Variants in FIZ1 observed in about 807,000 individuals in gnomAD.
The protein encoded by FIZ1 is FLT3 interacting zinc finger 1.
In FIZ1, 2 loss-of-function variants were observed where a neutral mutation model predicts 5.3. That is an observed-to-expected ratio of 0.37 (90% CI 0.15 to 1.18). FIZ1 has a LOEUF of 1.18. FIZ1 is among the 50% of genes most tolerant of loss of function. The pLI, the probability that FIZ1 is intolerant of heterozygous loss-of-function variation, is 0.37. For synonymous variants in FIZ1, 407 were observed against 364.2 expected (o/e 1.12, Z -1.34); for missense variants, 631 against 749.7 (o/e 0.84, Z 1.85).
At position 55,597,919 on chromosome 19, in the gene FIZ1, CAG is replaced by C. The variant is rs1474318725; in HGVS notation, c.-36-20_-36-19del. 6 of 1,505,542 alleles carry C rather than the reference CAG, an allele frequency of 4.0e-6. No homozygotes were observed. The East Asian group carries it at 1.5e-4, about 37-fold the overall frequency. 93.3% of individuals were successfully genotyped at this position (1,505,542 alleles called of 1,614,324 possible). On this transcript the variant is annotated intron_variant, in intron 1 of 2. Transcript: ENST00000221665. Reference sequence around the variant, plus strand: ...GGCTCTCTCTGGAGTAGTGGGGAGACAGAGGAGCAGGTGAGGGGGTCGGCTCC... The same window carrying C: ...GGCTCTCTCTGGAGTAGTGGGGAGACAGGAGCAGGTGAGGGGGTCGGCTCC...
chr19:55,596,574 G>A (rs1272013292), intron 2 of FIZ1, among the ~76,000 whole-genome samples: 1 of 143,184 alleles, frequency 7.0e-6, no homozygotes, highest in East Asian at 2.1e-4. Context: ...TCCTCACACT[G>A]CAGGTTGGCT....
Position 55,592,269 on chromosome 19 carries a change from G to T in FIZ1, c.*181C>A, listed in dbSNP as rs1347248868. 6 of 653,584 alleles carry T rather than the reference G, an allele frequency of 9.2e-6. No homozygotes were observed. In the Admixed American group the frequency reaches 2.0e-4, roughly 21 times the overall value. The allele number at this position is 653,584 out of a possible 1,614,324, so 40.5% of individuals were successfully genotyped here. A position where few individuals can be genotyped will look rare whatever the true frequency, so the allele number is the denominator to read the frequency against. ...GACCCTGTTTGTTTGTGGTCCCCCAGCTCCGGGGCCTTTGTGGGTTTTTGG... is the reference window on the plus strand; with the variant it reads ...GACCCTGTTTGTTTGTGGTCCCCCATCTCCGGGGCCTTTGTGGGTTTTTGG... On this transcript the variant is annotated 3_prime_UTR_variant, in exon 3 of 3. Coordinates refer to ENST00000221665, the MANE Select transcript of FIZ1 (RefSeq NM_032836.3). This position sits in a 1 kb window ranked among gnomAD's most constrained non-coding sequence, Gnocchi z 6.9.
In FIZ1 at chr19:55,592,225, C is replaced by T; in HGVS notation, c.*225G>A. 1.8e-6 allele frequency: 1 copy of T among 554,984 alleles called. No individual in the cohort carries two copies. Among genetic ancestry groups the T allele is most frequent in the South Asian group, 2.5e-5 (1 of 39,340 alleles). The allele number at this position is 554,984 out of a possible 1,614,324, so 34.4% of individuals were successfully genotyped here. ...TCAGGAGTCTCTCCCTAGATTTGGG[C>T]TCCCCTGCCCCAGCTAAGGACCCTG... On this transcript the variant is annotated 3_prime_UTR_variant, in exon 3 of 3. Coordinates refer to ENST00000221665, the MANE Select transcript of FIZ1 (RefSeq NM_032836.3). This position sits in a 1 kb window ranked among gnomAD's most constrained non-coding sequence, Gnocchi z 6.9.
rs1980408590 is a variant in FIZ1, at chr19:55,597,912, G to A, written c.-36-11C>T. Reference sequence around the variant, plus strand: ...ATGTGGGGGCTCTCTCTGGAGTAGTGGGGAGACAGAGGAGCAGGTGAGGGG... The same window carrying A: ...ATGTGGGGGCTCTCTCTGGAGTAGTAGGGAGACAGAGGAGCAGGTGAGGGG... On this transcript the variant is annotated splice_polypyrimidine_tract_variant and intron_variant, in intron 1 of 2. Transcript: ENST00000221665. 1 of 1,516,476 alleles carries A rather than the reference G, an allele frequency of 6.6e-7. No individual in the cohort carries two copies. The highest frequency in any genetic ancestry group is 1.4e-5 in the African/African-American group (1 of 72,630). The allele number at this position is 1,516,476 out of a possible 1,614,324, so 93.9% of individuals were successfully genotyped here.
At position 55,593,226 on chromosome 19, in the gene FIZ1, C is replaced by A; in HGVS notation, c.715G>T (p.Ala239Ser). 1 of 1,237,704 alleles carries A rather than the reference C, an allele frequency of 8.1e-7. No individual in the cohort carries two copies. Among genetic ancestry groups the A allele is most frequent in the South Asian group, 2.0e-5 (1 of 50,424 alleles). The allele number at this position is 1,237,704 out of a possible 1,614,324, so 76.7% of individuals were successfully genotyped here. The change falls in exon 3 of 3, where the codon GCG becomes TCG. Residue 239 changes from alanine to serine, a missense_variant. Coordinates refer to ENST00000221665, the MANE Select transcript of FIZ1 (RefSeq NM_032836.3). This position sits in a 1 kb window ranked among gnomAD's most constrained non-coding sequence, Gnocchi z 6.3. ...TTGTGCCGCTCCAGCAGCGCGGGCG[C>A]GTTGAAGTCGCGCTCGCAGCGCGGG... ...KCPRCERDFN[A>S]PALLERHKLT... is the part of the protein sequence containing the mutation.
rs139910857 is a variant in FIZ1 at position 55,597,823 on chromosome 19, C to T, written c.43G>A (p.Ala15Thr). ...AACGGGACCCTGGGGGCGGCAGCGGCGGGCGGTGCTGGTGCAGGGGTTGGG... is the reference window on the plus strand; with the variant it reads ...AACGGGACCCTGGGGGCGGCAGCGGTGGGCGGTGCTGGTGCAGGGGTTGGG... ...PAPTPAPAPP[A>T]AAAPRVPFHC... The change falls in exon 2 of 3, where the codon GCC becomes ACC. Residue 15 changes from alanine to threonine, a missense_variant. Physicochemically the swap from Ala to Thr is moderately conservative, Grantham distance 58. Transcript: ENST00000221665. 1,405 of 1,600,160 alleles carry T rather than the reference C, an allele frequency of 8.8e-4. 1 individual carries two copies. The highest frequency in any genetic ancestry group is 2.3e-3 in the Admixed American group (137 of 59,242).
rs150979825 is a variant in FIZ1, at chr19:55,599,252, C to A, written c.-37+222G>T. On this transcript the variant is annotated intron_variant, in intron 1 of 2. Transcript: ENST00000221665. ...GCAGCCTGAGGAGCGGGCCCCCCCA[C>A]TTGCCCAGTCTGCTCCAGGCCCCAG... 459 of 153,008 alleles carry A rather than the reference C, an allele frequency of 3.0e-3. 1 individual carries two copies. The highest frequency in any genetic ancestry group is 4.5e-3 in the Non-Finnish European group (310 of 68,458). 9.5% of individuals were successfully genotyped at this position (153,008 alleles called of 1,614,324 possible). A position where few individuals can be genotyped will look rare whatever the true frequency, so the allele number is the denominator to read the frequency against.
At chr19:55,594,769 T>C (rs2123555834) in intron 2 of FIZ1, among the ~76,000 whole-genome samples, 1 of 150,776 alleles carries the variant, frequency 6.6e-6, no homozygotes, top group East Asian at 2.0e-4. Flanking sequence ...AGCTCTAAAG[T>C]GACACAGCAG....
In FIZ1 at chr19:55,592,168, G is replaced by A. The variant is rs887317107; in HGVS notation, c.*282C>T. ...AAGTCCCCATGTCTTGGGGACTTAC[G>A]GCTACCCACACTCATTCCAGGGACC... On this transcript the variant is annotated 3_prime_UTR_variant, in exon 3 of 3. Coordinates refer to ENST00000221665, the MANE Select transcript of FIZ1 (RefSeq NM_032836.3). This position sits in a 1 kb window ranked among gnomAD's most constrained non-coding sequence, Gnocchi z 6.9. 2.4e-5 allele frequency: 11 copies of A among 461,810 alleles called. No homozygotes were observed. Among genetic ancestry groups the A allele is most frequent in the African/African-American group, 1.4e-4 (7 of 49,500 alleles). 28.6% of individuals were successfully genotyped at this position (461,810 alleles called of 1,614,324 possible). A position where few individuals can be genotyped will look rare whatever the true frequency, so the allele number is the denominator to read the frequency against.
chr19:55,592,710 T>G lies in FIZ1; in HGVS notation c.1231A>C (p.Lys411Gln), dbSNP rs766497163. Residue 411 changes from lysine (K) to glutamine (Q), a missense_variant, in exon 3 of 3, where the codon AAG (lysine) becomes CAG (glutamine). Transcript: ENST00000221665. This position sits in a 1 kb window ranked among gnomAD's most constrained non-coding sequence, Gnocchi z 6.9. ...CACTCGGAGCAGCCGAAGATCTTCT[T>G]GCCGCGGCCGGAGCCAGACGGGGGT... ...GEPPSGSGRG[K>Q]KIFGCSECEK... 15 of 1,612,536 alleles carry G rather than the reference T, an allele frequency of 9.3e-6. No individual in the cohort carries two copies. The highest frequency in any genetic ancestry group is 1.7e-5 in the Admixed American group (1 of 60,000).
intron 2 of FIZ1, among the ~76,000 whole-genome samples, chr19:55,594,567 G>A (rs1275711491): frequency 6.6e-6 from 1 of 151,304 alleles, no homozygotes; most frequent in African/African-American, 2.4e-5. Context: ...CGTGGTGGCG[G>A]GCGCCTGTAG....
Position 55,593,696 on chromosome 19 carries a change from G to T in FIZ1, c.295-50C>A. On this transcript the variant is annotated intron_variant, in intron 2 of 2. Coordinates refer to ENST00000221665, the MANE Select transcript of FIZ1 (RefSeq NM_032836.3). This position sits in a 1 kb window ranked among gnomAD's most constrained non-coding sequence, Gnocchi z 6.3. ...AACGTCAGGGCTGAGAACCTAGCCC[G>T]GACAACGGATTCCTGGACTCCCAGA... 6.7e-7 allele frequency: 1 copy of T among 1,496,018 alleles called. No homozygotes were observed. 92.7% of individuals were successfully genotyped at this position (1,496,018 alleles called of 1,614,324 possible).
chr19:55,592,423 G>A lies in FIZ1; in HGVS notation c.*27C>T, dbSNP rs146737852. The A allele has an allele frequency of 0.01, 15,570 of 1,516,888 alleles. 105 individuals are homozygous for A. The highest frequency in any genetic ancestry group is 0.022 in the Middle Eastern group (99 of 4,500). 94.0% of individuals were successfully genotyped at this position (1,516,888 alleles called of 1,614,324 possible). Reference sequence around the variant, plus strand: ...CAGGCCGAGTCCAGGAGGCTGGGTGGAGGGCAGGGCGCACGCAGCCTGGCA... The same window carrying A: ...CAGGCCGAGTCCAGGAGGCTGGGTGAAGGGCAGGGCGCACGCAGCCTGGCA... On this transcript the variant is annotated 3_prime_UTR_variant, in exon 3 of 3. Coordinates refer to ENST00000221665, the MANE Select transcript of FIZ1 (RefSeq NM_032836.3). This position sits in a 1 kb window ranked among gnomAD's most constrained non-coding sequence, Gnocchi z 6.9.
rs1166935828 is a variant in FIZ1 at position 55,597,829 on chromosome 19, G to A, written c.37C>T (p.Pro13Ser). Residue 13 changes from proline (P) to serine (S), a missense_variant, in exon 2 of 3, where the codon CCG becomes TCG. Transcript: ENST00000221665. Reference protein sequence around the residue: ...DVPAPTPAPAPPAAAAPRVPF... With the variant: ...DVPAPTPAPASPAAAAPRVPF... ...ACCCTGGGGGCGGCAGCGGCGGGCG[G>A]TGCTGGTGCAGGGGTTGGGGCGGGG... 6 of 1,610,548 alleles carry A rather than the reference G, an allele frequency of 3.7e-6. No individual in the cohort carries two copies. In the African/African-American group the frequency reaches 8.0e-5, roughly 22 times the overall value.
chr19:55,592,913 G>A lies in FIZ1; in HGVS notation c.1028C>T (p.Ala343Val), dbSNP rs746941892. 3.2e-6 allele frequency: 5 copies of A among 1,545,774 alleles called. 1 individual carries two copies. The highest frequency in any genetic ancestry group is 1.7e-6 in the Non-Finnish European group (2 of 1,153,826). ...GGCCTCCAGGTGACTGGCCAGGGCC[G>A]CGGCCGACGCAAAGAAGGTCCCGCA... is the stretch of plus-strand genomic sequence containing the variant. ...CDCGTFFASA[A>V]ALASHLEAHS... is the part of the protein sequence containing the mutation. Residue 343 changes from alanine to valine, a missense_variant, in exon 3 of 3, where the codon GCG becomes GTG. Ala to Val is a moderately conservative substitution (Grantham distance 64). Around this residue, in one of 4 missense-constraint regions of FIZ1, gnomAD observed 463 missense variants for 455.1 expected, o/e 1.02. Coordinates refer to ENST00000221665, the MANE Select transcript of FIZ1 (RefSeq NM_032836.3). The surrounding 1 kb of genome is among the most constrained non-coding windows in gnomAD (Gnocchi z 6.9).
chr19:55,597,453 G>A, intron 2 of FIZ1, 119 bp downstream of exon 2: 1 of 1,437,826 alleles, frequency 7.0e-7, no homozygotes, highest in Non-Finnish European at 9.1e-7. Context: ...TTTCTAATGG[G>A]AGGAGGCGGG....
At chr19:55,595,107 G>A (rs1980260666) in intron 2 of FIZ1, among the ~76,000 whole-genome samples, 1 of 152,152 alleles carries the variant, frequency 6.6e-6, no homozygotes, top group Non-Finnish European at 1.5e-5. Context: ...TTAAGATTTT[G>A]GAATAACAGA....
In FIZ1 at chr19:55,593,156, G is replaced by T. The variant is rs1469717794; in HGVS notation, c.785C>A (p.Ala262Asp). ...CCCTGCGCCTGGCCCCGCGGCCCAG[G>T]CCTGCGCTGGGGGCGCGCCCGGGCC... Reference protein sequence around the residue: ...LQGPGAPPAQAWAAGPGAGPE... With the variant: ...LQGPGAPPAQDWAAGPGAGPE... The change falls in exon 3 of 3, where the codon GCC becomes GAC. Residue 262 changes from alanine (A) to aspartate (D), a missense_variant. By Grantham distance (126) the Ala-to-Asp change is moderately radical. This residue lies in a region of FIZ1 where 463 missense variants were observed against 455.1 expected (regional missense o/e 1.02). Transcript: ENST00000221665. The surrounding 1 kb of genome is among the most constrained non-coding windows in gnomAD (Gnocchi z 6.3). The T allele has an allele frequency of 8.5e-7, 1 of 1,177,370 alleles. No homozygotes were observed. Among genetic ancestry groups the T allele is most frequent in the South Asian group, 2.4e-5 (1 of 41,662 alleles). The allele number at this position is 1,177,370 out of a possible 1,614,324, so 72.9% of individuals were successfully genotyped here.
At position 55,597,633 on chromosome 19, in the gene FIZ1, G is replaced by A. The variant is rs1211535500; in HGVS notation, c.233C>T (p.Pro78Leu). The A allele has an allele frequency of 6.2e-7, 1 of 1,613,684 alleles. No individual in the cohort carries two copies. Among genetic ancestry groups the A allele is most frequent in the South Asian group, 1.1e-5 (1 of 91,066 alleles). ...NHLRSHTGERPYRCSACPKGF... is the reference protein window; with the variant it reads ...NHLRSHTGERLYRCSACPKGF... ...CTTGGGGCAGGCAGAGCAGCGGTAG[G>A]GCCGCTCCCCGGTGTGCGAGCGCAG... The change falls in exon 2 of 3, where the codon CCC becomes CTC. Residue 78 changes from proline to leucine, a missense_variant. By Grantham distance (98) the Pro-to-Leu change is moderately conservative (BLOSUM62 -3). Transcript: ENST00000221665.
Sources: allele counts gnomAD v4.1 joint callset (sites outside exome capture counted in the v4.1 genomes callset), GRCh38; gene constraint gnomAD v4.1.1; regional missense constraint gnomAD v4.1.1; non-coding constraint Gnocchi (gnomAD v3.1); transcripts MANE v1.5; gene names NCBI Gene and HGNC (gene_info 2026-07-23, HGNC 2026-07-21).